The following AEBP2 variants were observed in gnomAD, a reference collection of about 807,000 sequenced individuals.
AEBP2 encodes zinc finger protein AEBP2.
Under a neutral mutation model 50.8 loss-of-function variants are expected in AEBP2, and 10 were observed. The ratio of observed to expected loss-of-function variants is 0.20; its 90% CI spans 0.12 to 0.33. AEBP2 has a LOEUF of 0.33. AEBP2 is among the 10% of genes least tolerant of loss of function. AEBP2 has a pLI of 1.00. For missense variants in AEBP2, 570 were observed against 688.0 expected (o/e 0.83, Z 1.92); for synonymous variants, 296 against 261.3 (o/e 1.13, Z -1.28).
At position 19,495,540 on chromosome 12, in the gene AEBP2, A is replaced by G. The variant is rs188728674; in HGVS notation, c.1174+1554A>G. Among the ~76,000 whole-genome samples, 33 of 141,652 alleles carry G rather than the reference A, an allele frequency of 2.3e-4. No individual in the cohort carries two copies. In the East Asian group the frequency reaches 6.5e-3, roughly 28 times the overall value. 92.9% of individuals were successfully genotyped at this position (141,652 alleles called of 152,430 possible). A position where few individuals can be genotyped will look rare whatever the true frequency, so the allele number is the denominator to read the frequency against. ...ACTTTCTTAAACTCTCTTAAATTTCATTCTTGCTTTTTTTTTTTTTTGATA... is the reference window on the plus strand; with the variant it reads ...ACTTTCTTAAACTCTCTTAAATTTCGTTCTTGCTTTTTTTTTTTTTTGATA... On this transcript the variant is annotated intron_variant, in intron 4 of 7. Transcript: ENST00000266508.
chr12:19,508,538 G>A (rs1326890363), intron 5 of AEBP2, among the ~76,000 whole-genome samples: 1 of 152,152 alleles, frequency 6.6e-6, no homozygotes, highest in Non-Finnish European at 1.5e-5. Context: ...TTGTTTATAT[G>A]GAAATTTTAA....
At position 19,520,943 on chromosome 12, in the gene AEBP2, A is replaced by C. The variant is rs1949388190; in HGVS notation, c.*2826A>C. 1 of 152,186 alleles carries C rather than the reference A, an allele frequency of 6.6e-6. No homozygotes were observed. Among genetic ancestry groups the C allele is most frequent in the African/African-American group, 2.4e-5 (1 of 41,454 alleles). 9.4% of individuals were successfully genotyped at this position (152,186 alleles called of 1,614,324 possible). On this transcript the variant is annotated 3_prime_UTR_variant, in exon 8 of 8. Transcript: ENST00000266508. Reference sequence around the variant, plus strand: ...CTTTGTTTCATGCACAAAATTATTAAAACTGTTGTATAAAATTACCTTCAG... The same window carrying C: ...CTTTGTTTCATGCACAAAATTATTACAACTGTTGTATAAAATTACCTTCAG...
intron 5 of AEBP2, among the ~76,000 whole-genome samples, chr12:19,504,491 C>T (rs1344628326): frequency 2.0e-5 from 3 of 151,976 alleles, no homozygotes; most frequent in East Asian, 1.9e-4. Flanking sequence ...CCACCCACCT[C>T]GGCCTCCCAA....
At chr12:19,426,976 T>C (rs1380699087) in intron 1 of AEBP2, among the ~76,000 whole-genome samples, 1 of 148,338 alleles carries the variant, frequency 6.7e-6, no homozygotes, top group Non-Finnish European at 1.5e-5. Context: ...TGTTGGAATC[T>C]GTAAACTGAG....
rs573476675 is a variant in AEBP2, at chr12:19,466,873, A to T, written c.879+4156A>T. ...GCAGTAAGTTAGCAAGATCTAAACT[A>T]TATTAATTTCTGTTCTTTTTCTCAT... On this transcript the variant is annotated intron_variant, in intron 2 of 7. Transcript: ENST00000266508. 2.1e-5 allele frequency: 18 copies of T among 864,626 alleles called. No individual in the cohort carries two copies. The African/African-American group carries it at 3.3e-4, about 16-fold the overall frequency. The allele number at this position is 864,626 out of a possible 1,614,324, so 53.6% of individuals were successfully genotyped here.
chr12:19,503,979 G>A (rs535941075), intron 5 of AEBP2, among the ~76,000 whole-genome samples: 2 of 152,110 alleles, frequency 1.3e-5, no homozygotes, highest in African/African-American at 4.8e-5. Context: ...CCACAGGCAT[G>A]AGCTACCACA....
chr12:19,445,923 G>A (rs1032632240), intron 1 of AEBP2: 1 of 151,914 alleles, frequency 6.6e-6, no homozygotes, highest in African/African-American at 2.4e-5. Flanking sequence ...ATAACTAGCT[G>A]AACGTACATA....
intron 1 of AEBP2, chr12:19,457,548 ATG>A: frequency 6.8e-7 from 1 of 1,479,774 alleles, no homozygotes; most frequent in Non-Finnish European, 9.1e-7. Flanking sequence ...TCTTTTGTTG[ATG>A]CTACCACATT....
At chr12:19,493,275 C>T (rs1471749117) in intron 3 of AEBP2, among the ~76,000 whole-genome samples, 5 of 152,074 alleles carry the variant, frequency 3.3e-5, no homozygotes, top group Admixed American at 2.0e-4. Context: ...GTAGCACACA[C>T]GTGTAATCCC....
chr12:19,442,265 G>A (rs1947975086), intron 1 of AEBP2, among the ~76,000 whole-genome samples: 1 of 152,064 alleles, frequency 6.6e-6, no homozygotes, highest in Non-Finnish European at 1.5e-5. Flanking sequence ...AAAATTACCC[G>A]AGAGTGGTGG....
chr12:19,428,348 A>G (rs1158508656), intron 1 of AEBP2, among the ~76,000 whole-genome samples: 1 of 152,192 alleles, frequency 6.6e-6, no homozygotes, highest in Non-Finnish European at 1.5e-5. Flanking sequence ...CTAGAGGTCC[A>G]TGTTTCTTTT....
intron 2 of AEBP2, among the ~76,000 whole-genome samples, chr12:19,463,427 A>T (rs1204855390): frequency 6.6e-6 from 1 of 152,184 alleles, no homozygotes; most frequent in African/African-American, 2.4e-5. Context: ...CATTTTTCAG[A>T]AATTAATGTC....
chr12:19,514,830 T>A (rs1315416024), intron 7 of AEBP2, 46 bp downstream of exon 7: 4 of 1,443,334 alleles, frequency 2.8e-6, no homozygotes, highest in Non-Finnish European at 2.9e-6. Context: ...ATTTGTAATT[T>A]TCTCTCCCCA....
chr12:19,436,587 C>CTT (rs111566734), upstream of AEBP2, among the ~76,000 whole-genome samples: 70,752 of 139,690 alleles, frequency 0.51, 18,908 homozygotes, highest in Non-Finnish European at 0.6. Flanking sequence ...TTTCTTTTTT[C>CTT]TTTTTTTTTT....
intron 1 of AEBP2, among the ~76,000 whole-genome samples, chr12:19,448,604 TGGA>T (rs1948115402): frequency 1.3e-5 from 2 of 152,190 alleles, no homozygotes; most frequent in Admixed American, 6.5e-5. Context: ...CAACTTAATG[TGGA>T]AATACCTGAT....
intron 1 of AEBP2, among the ~76,000 whole-genome samples, chr12:19,413,863 A>G (rs1459178791): frequency 6.8e-6 from 1 of 147,592 alleles, no homozygotes; most frequent in Non-Finnish European, 1.5e-5. Context: ...ACTGCAACCT[A>G]TTTTATCAAG....
chr12:19,481,349 C>T (rs919764886), intron 3 of AEBP2, among the ~76,000 whole-genome samples: 7 of 152,156 alleles, frequency 4.6e-5, no homozygotes, highest in East Asian at 3.9e-4. Flanking sequence ...GTGATCCACC[C>T]GCCTCTGCCT....
intron 1 of AEBP2, among the ~76,000 whole-genome samples, chr12:19,418,372 A>G (rs2095743766): frequency 6.8e-6 from 1 of 146,218 alleles, no homozygotes; most frequent in Non-Finnish European, 1.5e-5. Flanking sequence ...CTACAGGTGC[A>G]TGCTAACTAT....
At chr12:19,496,592 A>G (rs1374850189) in intron 4 of AEBP2, among the ~76,000 whole-genome samples, 1 of 152,142 alleles carries the variant, frequency 6.6e-6, no homozygotes. Flanking sequence ...AACTGTGAAA[A>G]ATATACCTTA....
Sources: gnomAD v4.1 joint callset for allele counts (sites outside exome capture counted in the v4.1 genomes callset) on GRCh38, gnomAD v4.1.1 for gene constraint, MANE v1.5 for transcripts, NCBI Gene and HGNC (gene_info 2026-07-23, HGNC 2026-07-21) for gene names.